FAT2: variants seen among roughly 807,000 people sequenced by gnomAD.
FAT2 encodes protocadherin Fat 2.
A neutral mutation model predicts 295.3 loss-of-function variants in FAT2; 150 were observed. That is an observed-to-expected ratio of 0.51 (90% CI 0.44 to 0.58). FAT2 has a LOEUF of 0.58. FAT2 is among the 20% of genes least tolerant of loss of function. The pLI, the probability that FAT2 is intolerant of heterozygous loss-of-function variation, is 0.00. For synonymous variants in FAT2, 2,026 were observed against 2,150.3 expected (o/e 0.94, Z 1.60); for missense variants, 4,868 against 5,442.7 (o/e 0.89, Z 3.32).
chr5:151,581,579 A>G (rs1458509260), intron 1 of FAT2, among the ~76,000 whole-genome samples: 1 of 152,232 alleles, frequency 6.6e-6, no homozygotes, highest in Non-Finnish European at 1.5e-5. Context: ...ATTGGGTGCC[A>G]GGCCCTGTGG....
chr5:151,590,935 C>T (rs1288390598), intron 1 of FAT2, among the ~76,000 whole-genome samples: 1 of 152,318 alleles, frequency 6.6e-6, no homozygotes, highest in East Asian at 1.9e-4. Flanking sequence ...CATTGCTGGG[C>T]CCCGATCCCC....
rs1238371981 is a variant in FAT2 at position 151,549,519 on chromosome 5, G to A, written c.4579-14C>T. The A allele has an allele frequency of 6.2e-7, 1 of 1,611,380 alleles. No individual in the cohort carries two copies. The highest frequency in any genetic ancestry group is 8.5e-7 in the Non-Finnish European group (1 of 1,177,750). The stretch of plus-strand genomic sequence containing the variant: ...CTGGTCTCGGACCTATGGGCCCAAA[G>A]GGGGTAATTGGGTAAGCAGCAAATG... On this transcript the variant is annotated splice_polypyrimidine_tract_variant and intron_variant, in intron 8 of 23. Transcript: ENST00000261800.
chr5:151,505,319 T>A lies in FAT2; in HGVS notation c.*246A>T, dbSNP rs1760752961. 8 of 558,608 alleles carry A rather than the reference T, an allele frequency of 1.4e-5. No homozygotes were observed. The East Asian group carries it at 2.5e-4, about 17-fold the overall frequency. 34.6% of individuals were successfully genotyped at this position (558,608 alleles called of 1,614,324 possible). Reference sequence around the variant, plus strand: ...GTCAATTGTTCCTGGTTTTCCAGGGTCACTGCTCTAGAAATGCCCCTCTCC... The same window carrying A: ...GTCAATTGTTCCTGGTTTTCCAGGGACACTGCTCTAGAAATGCCCCTCTCC... On this transcript the variant is annotated 3_prime_UTR_variant, in exon 24 of 24. Transcript: ENST00000261800.
rs530581603 is a variant in FAT2 at position 151,527,118 on chromosome 5, T to G, written c.10308+116A>C. On this transcript the variant is annotated intron_variant, in intron 17 of 23. Transcript: ENST00000261800. ...GCAGTCTGTGTTGCCTTTGGGGACA[T>G]CAGTGGCAAAGTCACAGTCATTGTT... 3.5e-5 allele frequency: 38 copies of G among 1,075,202 alleles called. No homozygotes were observed. In the South Asian group the frequency reaches 5.9e-4, roughly 17 times the overall value. The allele number at this position is 1,075,202 out of a possible 1,614,324, so 66.6% of individuals were successfully genotyped here. A position where few individuals can be genotyped will look rare whatever the true frequency, so the allele number is the denominator to read the frequency against.
chr5:151,531,555 A>T lies in FAT2; in HGVS notation c.9811+32T>A, dbSNP rs770836523. ...AGCGCTCCCAGAAACCCTGTACGCGATGCTTTGGGGCTTGGTGGATCAGGC... is the reference window on the plus strand; with the variant it reads ...AGCGCTCCCAGAAACCCTGTACGCGTTGCTTTGGGGCTTGGTGGATCAGGC... On this transcript the variant is annotated intron_variant, in intron 14 of 23. Coordinates refer to ENST00000261800, the MANE Select transcript of FAT2 (RefSeq NM_001447.3). This position sits in a 1 kb window ranked among gnomAD's most constrained non-coding sequence, Gnocchi z 5.7. The T allele has an allele frequency of 6.2e-7, 1 of 1,610,552 alleles. No homozygotes were observed. The highest frequency in any genetic ancestry group is 1.3e-5 in the African/African-American group (1 of 74,950).
rs1757505405 is a variant in FAT2 at position 151,554,417 on chromosome 5, G to A, written c.3890C>T (p.Thr1297Ile). The change falls in exon 5 of 24, where the codon ACA becomes ATA. Residue 1297 changes from threonine (T) to isoleucine (I), a missense_variant. Thr to Ile is a moderately conservative substitution (Grantham distance 89, BLOSUM62 -1). Coordinates refer to ENST00000261800, the MANE Select transcript of FAT2 (RefSeq NM_001447.3). ...DEEAFSIDLV[T>I]GVVSSSSTFT... ...AGTGCTGCTGGATGAAACCACACCT[G>A]TGACCAGGTCGATACTGAAGGCCTC... is the stretch of plus-strand genomic sequence containing the variant. 1 of 1,614,210 alleles carries A rather than the reference G, an allele frequency of 6.2e-7. No individual in the cohort carries two copies. Among genetic ancestry groups the A allele is most frequent in the Non-Finnish European group, 8.5e-7 (1 of 1,180,044 alleles).
At position 151,545,936 on chromosome 5, in the gene FAT2, G is replaced by T. The variant is rs773531501; in HGVS notation, c.5191C>A (p.Arg1731=). 2 of 1,613,880 alleles carry T rather than the reference G, an allele frequency of 1.2e-6. No homozygotes were observed. Residue 1731 remains arginine (R), a synonymous_variant, in exon 10 of 24, where the codon CGA becomes AGA. Transcript: ENST00000261800. ...EKISSYQLKI[R]GSNMAGAFTD... ...AATGCACCTGCCATATTGCTGCCTCGGATTTTCAGCTGGTAAGACGAGATT... is the reference window on the plus strand; with the variant it reads ...AATGCACCTGCCATATTGCTGCCTCTGATTTTCAGCTGGTAAGACGAGATT...
chr5:151,559,207 C>T (rs1054789169), intron 3 of FAT2, among the ~76,000 whole-genome samples: 60 of 152,162 alleles, frequency 3.9e-4, no homozygotes, highest in Admixed American at 3.7e-3. Context: ...CTGTCGGGGG[C>T]GTGTTCTCGC....
chr5:151,512,610 C>A lies in FAT2; in HGVS notation c.11464-4G>T. ...GCTGGGGCACTCCACTGGCCAGCTGCAAAGGAAATCCAAACAGCCATCAGC... is the reference window on the plus strand; with the variant it reads ...GCTGGGGCACTCCACTGGCCAGCTGAAAAGGAAATCCAAACAGCCATCAGC... On this transcript the variant is annotated splice_polypyrimidine_tract_variant and splice_region_variant and intron_variant, in intron 20 of 23. Transcript: ENST00000261800. This position sits in a 1 kb window ranked among gnomAD's most constrained non-coding sequence, Gnocchi z 4.1. 1 of 1,590,396 alleles carries A rather than the reference C, an allele frequency of 6.3e-7. No individual in the cohort carries two copies. Among genetic ancestry groups the A allele is most frequent in the Admixed American group, 1.8e-5 (1 of 57,024 alleles).
chr5:151,573,112 A>T (rs1296898563), intron 1 of FAT2, among the ~76,000 whole-genome samples: 1 of 152,186 alleles, frequency 6.6e-6, no homozygotes, highest in Non-Finnish European at 1.5e-5. Flanking sequence ...TCCCAGCCCC[A>T]TTTCAAAGAT....
chr5:151,582,266 G>T (rs928046192), intron 1 of FAT2, among the ~76,000 whole-genome samples: 3 of 152,276 alleles, frequency 2.0e-5, no homozygotes, highest in African/African-American at 4.8e-5. Flanking sequence ...AGCCCCCCTG[G>T]GTTCTGTCCA....
In FAT2 at chr5:151,543,013, G is replaced by A. The variant is rs749187658; in HGVS notation, c.8114C>T (p.Pro2705Leu). ...LYTFSAPEDL[P>L]EGSEIGIVKA... ...AACAATCCCAATTTCAGACCCCTCT[G>A]GAAGGTCTTCAGGTGCAGAGAAAGT... The change falls in exon 10 of 24, where the codon CCA becomes CTA. Residue 2705 changes from proline (P) to leucine (L), a missense_variant. Physicochemically the swap from Pro to Leu is moderately conservative, Grantham distance 98. This residue lies in a region of FAT2 where 3,297 missense variants were observed against 3,669.4 expected (regional missense o/e 0.90). Transcript: ENST00000261800. The A allele has an allele frequency of 2.2e-5, 36 of 1,614,172 alleles. No homozygotes were observed. The highest frequency in any genetic ancestry group is 3.1e-5 in the Non-Finnish European group (36 of 1,180,044).
rs1756434270 is a variant in FAT2, at chr5:151,544,480, A to G, written c.6647T>C (p.Phe2216Ser). Reference sequence around the variant, plus strand: ...GACACCAGTCTTGAAGTCAGTGGTGAACAGCATCAAGGGTTCTTCCTCCAC... The same window carrying G: ...GACACCAGTCTTGAAGTCAGTGGTGGACAGCATCAAGGGTTCTTCCTCCAC... ...NIVEEEPLML[F>S]TTDFKTGVLT... Residue 2216 changes from phenylalanine (F) to serine (S), a missense_variant, in exon 10 of 24, where the codon TTC becomes TCC. Physicochemically the swap from Phe to Ser is radical, Grantham distance 155 (BLOSUM62 -2). Transcript: ENST00000261800. 6.2e-7 allele frequency: 1 copy of G among 1,614,034 alleles called. No homozygotes were observed. Among genetic ancestry groups the G allele is most frequent in the Non-Finnish European group, 8.5e-7 (1 of 1,180,038 alleles).
intron 9 of FAT2, among the ~76,000 whole-genome samples, chr5:151,548,220 A>G (rs1756843824): frequency 6.6e-6 from 1 of 152,144 alleles, no homozygotes; most frequent in South Asian, 2.1e-4. Flanking sequence ...AATGAACATT[A>G]GGTCTTGTGA....
In FAT2 at chr5:151,531,490, G is replaced by A. The variant is rs2127590644; in HGVS notation, c.9811+97C>T. On this transcript the variant is annotated intron_variant, in intron 14 of 23. Transcript: ENST00000261800. This position sits in a 1 kb window ranked among gnomAD's most constrained non-coding sequence, Gnocchi z 5.7. The stretch of plus-strand genomic sequence containing the variant: ...CGACCAGAGGAGGTCTGCTCTGGGA[G>A]GCGCTGCACAGGGTAGATACCCACA... 1.3e-6 allele frequency: 2 copies of A among 1,492,432 alleles called. No individual in the cohort carries two copies. The highest frequency in any genetic ancestry group is 2.3e-5 in the East Asian group (1 of 43,048). The allele number at this position is 1,492,432 out of a possible 1,614,324, so 92.4% of individuals were successfully genotyped here. A position where few individuals can be genotyped will look rare whatever the true frequency, so the allele number is the denominator to read the frequency against.
chr5:151,567,445 G>C lies in FAT2; in HGVS notation c.1487C>G (p.Ser496Cys). Residue 496 changes from serine (S) to cysteine (C), a missense_variant, in exon 2 of 24, where the codon TCC (serine) becomes TGC (cysteine). Ser to Cys is a moderately radical substitution (Grantham distance 112, BLOSUM62 -1). This residue lies in a region of FAT2 where 3,297 missense variants were observed against 3,669.4 expected (regional missense o/e 0.90). Coordinates refer to ENST00000261800, the MANE Select transcript of FAT2 (RefSeq NM_001447.3). ...TGGCAAAGCTTTTGGTCCAGCAATG[G>C]AATAGGTGACATATCCATTTTCCCC... ...DHGENGYVTYSIAGPKALPFS... is the reference protein window; with the variant it reads ...DHGENGYVTYCIAGPKALPFS... The C allele has an allele frequency of 6.2e-7, 1 of 1,614,192 alleles. No homozygotes were observed. The highest frequency in any genetic ancestry group is 1.1e-5 in the South Asian group (1 of 91,066).
intron 1 of FAT2, among the ~76,000 whole-genome samples, chr5:151,577,271 C>T (rs1019675631): frequency 1.4e-4 from 21 of 152,308 alleles, no homozygotes; most frequent in East Asian, 1.4e-3. Context: ...AAAAGGGCTT[C>T]CAGTGGCCTG....
At chr5:151,584,593 A>G (rs1448647525) in intron 1 of FAT2, among the ~76,000 whole-genome samples, 2 of 152,208 alleles carry the variant, frequency 1.3e-5, no homozygotes, top group African/African-American at 2.4e-5. Context: ...TCTGCCCAGT[A>G]TAATAGTAAC....
At position 151,542,889 on chromosome 5, in the gene FAT2, T is replaced by A. The variant is rs777548514; in HGVS notation, c.8238A>T (p.Thr2746=). The A allele has an allele frequency of 6.2e-7, 1 of 1,614,214 alleles. No homozygotes were observed. The change falls in exon 10 of 24, where the codon ACA becomes ACT. Residue 2746 remains threonine (T), a synonymous_variant. Coordinates refer to ENST00000261800, the MANE Select transcript of FAT2 (RefSeq NM_001447.3). The stretch of plus-strand genomic sequence containing the variant: ...TGGGCTTCCTCACCTTTATGACCCC[T>A]GTGTCTGGGTCTAGGGAGAAGACAC... The part of the protein sequence containing the change: ...KDGVFSLDPD[T]GVIKVRKPMD...
Sources: gnomAD v4.1 joint callset for allele counts (sites outside exome capture counted in the v4.1 genomes callset) on GRCh38, gnomAD v4.1.1 for gene constraint, gnomAD v4.1.1 regional missense constraint, Gnocchi (gnomAD v3.1) non-coding constraint, MANE v1.5 for transcripts, NCBI Gene and HGNC (gene_info 2026-07-23, HGNC 2026-07-21) for gene names.